Variants in KCNIP4 observed in about 807,000 individuals in gnomAD.
KCNIP4 encodes potassium voltage-gated channel interacting protein 4.
Under a neutral mutation model 34.0 loss-of-function variants are expected in KCNIP4, and 12 were observed. The observed-to-expected ratio is 0.35, with a 90% CI of 0.23 to 0.57. The LOEUF is 0.57. Among genes scored for constraint, KCNIP4 ranks in the 20% least tolerant of loss-of-function variants. KCNIP4 has a pLI of 0.83. For synonymous variants in KCNIP4, 124 were observed against 102.2 expected (o/e 1.21, Z -1.29); for missense variants, 238 against 311.7 (o/e 0.76, Z 1.78).
chr4:21,285,255 TC>T (rs1763052712), intron 1 of KCNIP4, among the ~76,000 whole-genome samples: 1 of 152,132 alleles, frequency 6.6e-6, no homozygotes, highest in African/African-American at 2.4e-5. Flanking sequence ...TGAAAAGGTC[TC>T]CCAAAATTTT....
intron 1 of KCNIP4, among the ~76,000 whole-genome samples, chr4:21,187,615 G>A (rs1293924723): frequency 2.0e-5 from 3 of 152,188 alleles, no homozygotes; most frequent in African/African-American, 7.2e-5. Flanking sequence ...TTCCTTGTCA[G>A]GAGCACATTG....
chr4:21,636,806 A>C (rs188866499), intron 1 of KCNIP4, among the ~76,000 whole-genome samples: 3 of 152,350 alleles, frequency 2.0e-5, no homozygotes, highest in African/African-American at 7.2e-5. Context: ...TCCAAAGCAG[A>C]AGCTACAACA....
At chr4:21,807,134 T>C (rs1466222235) in intron 1 of KCNIP4, among the ~76,000 whole-genome samples, 2 of 152,120 alleles carry the variant, frequency 1.3e-5, no homozygotes, top group Non-Finnish European at 2.9e-5. Context: ...CTAGGGTTCA[T>C]GTGTCTATGA....
At chr4:21,294,560 T>A (rs1014269440) in intron 1 of KCNIP4, among the ~76,000 whole-genome samples, 1 of 152,182 alleles carries the variant, frequency 6.6e-6, no homozygotes, top group Admixed American at 6.5e-5. Flanking sequence ...TTGTGGCTAA[T>A]AAGGTTGTTT....
At chr4:21,257,372 C>G (rs867923694) in intron 1 of KCNIP4, among the ~76,000 whole-genome samples, 1 of 151,950 alleles carries the variant, frequency 6.6e-6, no homozygotes, top group Non-Finnish European at 1.5e-5. Flanking sequence ...TTAAGTGTAC[C>G]CCCCAGACAA....
Position 20,848,209 on chromosome 4 carries a change from G to A in KCNIP4, c.288+2334C>T, listed in dbSNP as rs144902050. ...TAAAATAGGCCTTTGGCATATTCAG[G>A]TCTGATGGAAATTTGTCTCATGGGG... On this transcript the variant is annotated intron_variant, in intron 3 of 8. Transcript: ENST00000382152. Among the ~76,000 whole-genome samples the A allele has an allele frequency of 2.6e-5, 4 of 152,102 alleles. No individual in the cohort carries two copies. In the East Asian group the frequency reaches 5.8e-4, roughly 22 times the overall value.
intron 1 of KCNIP4, among the ~76,000 whole-genome samples, chr4:20,933,994 G>T (rs1220261747): frequency 6.6e-6 from 1 of 152,210 alleles, no homozygotes; most frequent in African/African-American, 2.4e-5. Flanking sequence ...AAAAGGTTTT[G>T]GTAAAGTTAT....
At chr4:20,856,211 A>G (rs2149489536) in intron 2 of KCNIP4, among the ~76,000 whole-genome samples, 1 of 152,362 alleles carries the variant, frequency 6.6e-6, no homozygotes, top group East Asian at 1.9e-4. Context: ...AATAGACCTC[A>G]TGTAAATAGA....
intron 1 of KCNIP4, among the ~76,000 whole-genome samples, chr4:21,146,859 T>C (rs997077910): frequency 6.6e-6 from 1 of 152,162 alleles, no homozygotes; most frequent in Admixed American, 6.5e-5. Flanking sequence ...ATTCTTTTGC[T>C]CTATTAAGAC....
At chr4:21,652,796 T>C in intron 1 of KCNIP4, among the ~76,000 whole-genome samples, 1 of 152,172 alleles carries the variant, frequency 6.6e-6, no homozygotes, top group East Asian at 1.9e-4. Flanking sequence ...CACTTGATGA[T>C]ATATAATTGG....
At chr4:20,999,038 G>C (rs888136499) in intron 1 of KCNIP4, among the ~76,000 whole-genome samples, 2 of 152,156 alleles carry the variant, frequency 1.3e-5, no homozygotes, top group Non-Finnish European at 2.9e-5. Context: ...GAGAGCAAAG[G>C]TGGTTTCATC....
chr4:21,426,719 T>C (rs1190350084), intron 1 of KCNIP4, among the ~76,000 whole-genome samples: 1 of 151,944 alleles, frequency 6.6e-6, no homozygotes, highest in Non-Finnish European at 1.5e-5. Context: ...TTATTGAGCA[T>C]CTACTAAGAG....
chr4:21,832,837 G>A (rs1432670534), intron 1 of KCNIP4, among the ~76,000 whole-genome samples: 12 of 148,834 alleles, frequency 8.1e-5, no homozygotes, highest in South Asian at 2.1e-4. Flanking sequence ...GAGAATATGC[G>A]GTGTTTGGTT....
chr4:21,440,910 A>T (rs1046624392), intron 1 of KCNIP4, among the ~76,000 whole-genome samples: 4 of 152,190 alleles, frequency 2.6e-5, no homozygotes, highest in African/African-American at 9.6e-5. Context: ...ATCAGGAAAA[A>T]GAAAATTAAT....
intron 1 of KCNIP4, among the ~76,000 whole-genome samples, chr4:21,734,857 C>G (rs1219001983): frequency 6.6e-6 from 1 of 151,914 alleles, no homozygotes; most frequent in Non-Finnish European, 1.5e-5. Flanking sequence ...TTTTTAACAG[C>G]TGAGTATTTG....
chr4:21,113,603 C>G lies in KCNIP4; in HGVS notation c.62-230894G>C, dbSNP rs539148796. Among the ~76,000 whole-genome samples the G allele has an allele frequency of 2.6e-5, 4 of 152,182 alleles. No homozygotes were observed. In the South Asian group the frequency reaches 8.3e-4, roughly 32 times the overall value. On this transcript the variant is annotated intron_variant, in intron 1 of 8. Coordinates refer to ENST00000382152, the MANE Select transcript of KCNIP4 (RefSeq NM_025221.6). ...CTGCTGTTGGGGGAGAGATTGTTCC[C>G]CATGTCTTCCTTAAGCACCAAAAAC...
intron 5 of KCNIP4, among the ~76,000 whole-genome samples, chr4:20,740,130 G>A (rs1352041702): frequency 6.6e-6 from 1 of 152,126 alleles, no homozygotes; most frequent in Non-Finnish European, 1.5e-5. Flanking sequence ...GAAAGTGACG[G>A]GGAGAATTGA....
intron 1 of KCNIP4, among the ~76,000 whole-genome samples, chr4:21,829,528 C>T (rs1215784719): frequency 1.3e-5 from 2 of 151,834 alleles, no homozygotes; most frequent in African/African-American, 2.4e-5. Flanking sequence ...ACCTAAAGAA[C>T]AGCAAGAATG....
intron 1 of KCNIP4, among the ~76,000 whole-genome samples, chr4:21,327,581 T>A (rs1298944957): frequency 6.6e-6 from 1 of 152,124 alleles, no homozygotes; most frequent in African/African-American, 2.4e-5. Context: ...TTGAATAATA[T>A]CTTTTTCTAG....
Sources: allele counts gnomAD v4.1 joint callset (sites outside exome capture counted in the v4.1 genomes callset), GRCh38; gene constraint gnomAD v4.1.1; transcripts MANE v1.5; gene names NCBI Gene and HGNC (gene_info 2026-07-23, HGNC 2026-07-21).